Variants in CCDC39 observed in about 807,000 individuals in gnomAD.
CCDC39 encodes the protein coiled-coil domain 39 molecular ruler complex subunit.
A neutral mutation model predicts 121.0 loss-of-function variants in CCDC39; 113 were observed. The observed-to-expected ratio is 0.93, with a 90% confidence interval of 0.80 to 1.09. The LOEUF (loss-of-function observed/expected upper bound fraction) is 1.09. CCDC39 is among the 50% of genes least tolerant of loss of function. CCDC39 has a pLI of 0.00. For missense variants in CCDC39, 1,063 were observed against 1,074.7 expected, an observed-to-expected ratio of 0.99 and a Z score of 0.15; for synonymous variants, 349 against 352.2, an observed-to-expected ratio of 0.99 and a Z score of 0.10.
intron 1 of CCDC39, among the ~76,000 whole-genome samples, chr3:180,667,859 A>T (rs1281095281): frequency 6.6e-6 from 1 of 152,208 alleles, no homozygotes; most frequent in African/African-American, 2.4e-5. Flanking sequence ...AGAAAATTAA[A>T]AGTGCTGCTC....
intron 13 of CCDC39, among the ~76,000 whole-genome samples, chr3:180,638,461 AATG>A (rs1378417786): frequency 1.3e-5 from 2 of 152,148 alleles, no homozygotes; most frequent in Admixed American, 1.3e-4. Flanking sequence ...AAGAAAATAG[AATG>A]ATGACAAGGG....
chr3:180,656,626 A>G (rs1386089987), intron 6 of CCDC39, among the ~76,000 whole-genome samples: 1 of 152,202 alleles, frequency 6.6e-6, no homozygotes, highest in Non-Finnish European at 1.5e-5. Flanking sequence ...GCATTCCCAG[A>G]CAGGCAATCT....
At chr3:180,667,493 T>C (rs1711912655) in intron 1 of CCDC39, among the ~76,000 whole-genome samples, 1 of 152,142 alleles carries the variant, frequency 6.6e-6, no homozygotes, top group African/African-American at 2.4e-5. Context: ...ATTTTTTCAT[T>C]ATTATTATAT....
chr3:180,653,171 G>T (rs1711511967), intron 7 of CCDC39, among the ~76,000 whole-genome samples: 1 of 152,152 alleles, frequency 6.6e-6, no homozygotes, highest in African/African-American at 2.4e-5. Context: ...TGAAGAGAGA[G>T]TTCTCATACA....
At chr3:180,615,153 G>T in intron 19 of CCDC39, 76 bp from the exon 20 acceptor site, 3 of 1,095,892 alleles carry the variant, frequency 2.7e-6, no homozygotes, top group South Asian at 1.7e-5. Context: ...ATTGGCAAAA[G>T]GTACCATAAT....
chr3:180,634,451 G>A (rs1717778950), intron 13 of CCDC39, among the ~76,000 whole-genome samples: 1 of 152,044 alleles, frequency 6.6e-6, no homozygotes, highest in Non-Finnish European at 1.5e-5. Flanking sequence ...CCTCATCCTG[G>A]GTTTATTGCA....
intron 13 of CCDC39, among the ~76,000 whole-genome samples, chr3:180,635,778 G>A (rs1487783028): frequency 4.6e-5 from 7 of 152,150 alleles, no homozygotes; most frequent in Admixed American, 2.0e-4. Context: ...AAGGTGCATG[G>A]TGCAAGCTGT....
At chr3:180,678,815 T>A (rs1290323492) in intron 1 of CCDC39, among the ~76,000 whole-genome samples, 1 of 152,178 alleles carries the variant, frequency 6.6e-6, no homozygotes, top group Non-Finnish European at 1.5e-5. Flanking sequence ...CTTGAAAACA[T>A]CTCAAGTCAC....
At chr3:180,627,611 ACT>A (rs1717594964) in intron 14 of CCDC39, among the ~76,000 whole-genome samples, 1 of 152,202 alleles carries the variant, frequency 6.6e-6, no homozygotes, top group Non-Finnish European at 1.5e-5. Flanking sequence ...TCAGAACTAT[ACT>A]GTTTCCTTAT....
rs763756005 is a variant in CCDC39, at chr3:180,642,159, G to C, written c.1708C>G (p.Arg570Gly). 5.0e-6 allele frequency: 8 copies of C among 1,608,466 alleles called. No individual in the cohort carries two copies. In the Admixed American group the frequency reaches 1.3e-4, roughly 27 times the overall value. The stretch of plus-strand genomic sequence containing the variant: ...TTACTGTGAAGCATTTCTCGAGTAC[G>C]CTTAACTTCAAGTTTTAAAAGATTG... ...EDNLLKLEVK[R>G]TREMLHSKAE... Residue 570 changes from arginine (R) to glycine (G), a missense_variant, in exon 13 of 20, where the codon CGT becomes GGT. Arg to Gly is a moderately radical substitution (Grantham distance 125). Coordinates refer to ENST00000476379, the MANE Select transcript of CCDC39 (RefSeq NM_181426.2).
intron 1 of CCDC39, among the ~76,000 whole-genome samples, chr3:180,674,322 T>A (rs1712131686): frequency 1.3e-5 from 2 of 152,294 alleles, no homozygotes; most frequent in East Asian, 3.9e-4. Flanking sequence ...TTTTGCACAT[T>A]GATTTTGTAT....
At chr3:180,661,796 A>G (rs1002522874) in intron 3 of CCDC39, 65 bp downstream of exon 3, 29 of 1,422,570 alleles carry the variant, frequency 2.0e-5, no homozygotes, top group Non-Finnish European at 2.6e-5. Flanking sequence ...AAAAAAGTCA[A>G]TGCTCATTTG....
chr3:180,629,724 C>G (rs182682807), intron 14 of CCDC39, among the ~76,000 whole-genome samples: 2 of 152,282 alleles, frequency 1.3e-5, no homozygotes. Context: ...ATGGGAATAA[C>G]TGCGTGGCAA....
Position 180,662,289 on chromosome 3 carries a change from G to A in CCDC39, c.211-282C>T, listed in dbSNP as rs185888138. Among the ~76,000 whole-genome samples, 819 of 151,964 alleles carry A rather than the reference G, an allele frequency of 5.4e-3. 10 individuals are homozygous for A. Among genetic ancestry groups the A allele is most frequent in the African/African-American group, 0.019 (796 of 41,448 alleles). On this transcript the variant is annotated intron_variant, in intron 2 of 19. Coordinates refer to ENST00000476379, the MANE Select transcript of CCDC39 (RefSeq NM_181426.2). ...TCTAGGAAAACTAAAGAAAACCAAA[G>A]TTTCAGTTAGACTTAAAACTTATTA...
intron 17 of CCDC39, 33 bp downstream of exon 17, chr3:180,616,793 T>C: frequency 6.3e-7 from 1 of 1,599,090 alleles, no homozygotes; most frequent in Non-Finnish European, 8.5e-7. Context: ...AAAATGTAAA[T>C]ATGAAAGGTC....
chr3:180,615,033 T>A lies in CCDC39; in HGVS notation c.2714A>T (p.Lys905Ile). 6.4e-7 allele frequency: 1 copy of A among 1,556,280 alleles called. No individual in the cohort carries two copies. The highest frequency in any genetic ancestry group is 8.7e-7 in the Non-Finnish European group (1 of 1,149,442). The change falls in exon 20 of 20, where the codon AAA becomes ATA. Residue 905 changes from lysine to isoleucine, a missense_variant. Transcript: ENST00000476379. ...TSTSTSQSSI[K>I]VLELKFPASS... ...GGCCGGGAATTTAAGCTCCAGTACT[T>A]TAATTGAAGACTGAGAAGTAGATGT... is the stretch of plus-strand genomic sequence containing the variant.
Position 180,648,280 on chromosome 3 carries a change from T to C in CCDC39, c.1247A>G (p.Glu416Gly), listed in dbSNP as rs757515577. 5 of 1,613,164 alleles carry C rather than the reference T, an allele frequency of 3.1e-6. No homozygotes were observed. The highest frequency in any genetic ancestry group is 1.3e-5 in the African/African-American group (1 of 74,870). The change falls in exon 10 of 20, where the codon GAA (glutamate) becomes GGA (glycine). Residue 416 changes from glutamate (E) to glycine (G), a missense_variant. By Grantham distance (98) the Glu-to-Gly change is moderately conservative. Coordinates refer to ENST00000476379, the MANE Select transcript of CCDC39 (RefSeq NM_181426.2). ...AQELQTETMK[E>G]KAVLSEIEGT... ...TTCAATTTCTGATAAAACAGCTTTT[T>C]CTTTCATTGTCTCAGTCTGTAACTC...
rs561458801 is a variant in CCDC39, at chr3:180,616,694, C to T, written c.2408G>A (p.Cys803Tyr). Reference protein sequence around the residue: ...KPKLERVTKQCAKLTKEIRLL... With the variant: ...KPKLERVTKQYAKLTKEIRLL... The stretch of plus-strand genomic sequence containing the variant: ...ACGGATTTCCTTTGTGAGTTTTGCA[C>T]ACTGTTGGTAAATAATAGTCAATTA... The change falls in exon 18 of 20, where the codon TGT becomes TAT. Residue 803 changes from cysteine to tyrosine, a missense_variant and splice_region_variant. Transcript: ENST00000476379. The T allele has an allele frequency of 5.5e-4, 874 of 1,586,126 alleles. 11 individuals are homozygous for T. In the South Asian group the frequency reaches 9.4e-3, roughly 17 times the overall value.
chr3:180,650,141 A>C (rs1034676327), intron 9 of CCDC39, among the ~76,000 whole-genome samples: 1 of 152,152 alleles, frequency 6.6e-6, no homozygotes, highest in African/African-American at 2.4e-5. Context: ...TCACACTTAT[A>C]GTTCACACTT....
Sources: gnomAD v4.1 joint callset for allele counts (sites outside exome capture counted in the v4.1 genomes callset) on GRCh38, gnomAD v4.1.1 for gene constraint, MANE v1.5 for transcripts, NCBI Gene and HGNC (gene_info 2026-07-23, HGNC 2026-07-21) for gene names.